The following DMD variants were observed in gnomAD, a reference collection of about 807,000 sequenced individuals.
The protein encoded by DMD is dystrophin.
In DMD, 63 loss-of-function variants were observed where a neutral mutation model predicts 330.1. That is an observed-to-expected ratio of 0.19 (90% CI 0.16 to 0.24). The LOEUF is 0.24. Among genes scored for constraint, DMD ranks in the 10% least tolerant of loss-of-function variants. DMD has a pLI of 1.00. For synonymous variants in DMD, 1,223 were observed against 959.8 expected (o/e 1.27, Z -5.07); for missense variants, 3,344 against 2,684.1 (o/e 1.25, Z -5.43).
At chrX:32,018,736 A>C (rs2095785882) in intron 44 of DMD, among the ~76,000 whole-genome samples, 1 of 112,100 alleles carries the variant, frequency 8.9e-6, no homozygotes, top group Non-Finnish European at 1.9e-5. Flanking sequence ...ATGAGAAGAC[A>C]TGTTCTATAG....
intron 17 of DMD, among the ~76,000 whole-genome samples, chrX:32,541,349 C>A (rs1307786389): frequency 9.0e-6 from 1 of 111,568 alleles, no homozygotes; most frequent in Admixed American, 9.6e-5. Flanking sequence ...AATCTTCCTC[C>A]ATCTTCATCA....
intron 62 of DMD, among the ~76,000 whole-genome samples, chrX:31,317,575 C>T (rs375130967): frequency 1.4e-4 from 14 of 103,088 alleles, no homozygotes; most frequent in East Asian, 1.2e-3. Context: ...TGCAGTGGCG[C>T]GATCTCGTCC....
chrX:31,986,645 C>T, intron 44 of DMD, among the ~76,000 whole-genome samples: 1 of 111,590 alleles, frequency 9.0e-6, no homozygotes, highest in Non-Finnish European at 1.9e-5. Context: ...CTCTTGACCT[C>T]GTGATCCACC....
chrX:32,678,404 T>C (rs1401509255), intron 9 of DMD, among the ~76,000 whole-genome samples: 1 of 111,662 alleles, frequency 9.0e-6, no homozygotes, highest in African/African-American at 3.3e-5. Context: ...GTGAGCACAA[T>C]GTGCAGTAAT....
intron 2 of DMD, among the ~76,000 whole-genome samples, chrX:32,955,231 G>T (rs193097594): frequency 9.0e-6 from 1 of 111,266 alleles, no homozygotes; most frequent in Non-Finnish European, 1.9e-5. Flanking sequence ...ATTAATAGCC[G>T]TCCTGACTGG....
intron 60 of DMD, among the ~76,000 whole-genome samples, chrX:31,430,793 CTTTTTTTT>C (rs565087970): frequency 6.2e-5 from 3 of 48,336 alleles, no homozygotes; most frequent in African/African-American, 2.8e-4. Context: ...AAGTTAAGGT[CTTTTTTTT>C]TTTTTTTTTT....
intron 1 of DMD, among the ~76,000 whole-genome samples, chrX:33,142,515 C>G (rs1443895701): frequency 8.9e-6 from 1 of 112,512 alleles, no homozygotes; most frequent in Admixed American, 9.4e-5. Context: ...GTGAAACATA[C>G]CAAAGGAAAG....
chrX:31,370,593 T>C (rs1377978676), intron 60 of DMD, among the ~76,000 whole-genome samples: 1 of 112,514 alleles, frequency 8.9e-6, no homozygotes, highest in Non-Finnish European at 1.9e-5. Context: ...GCTGGTGGAA[T>C]ATAAAATAGT....
At chrX:31,269,857 C>T (rs2051482933) in intron 62 of DMD, among the ~76,000 whole-genome samples, 1 of 111,922 alleles carries the variant, frequency 8.9e-6, no homozygotes, top group Non-Finnish European at 1.9e-5. Context: ...TATTCTTTGT[C>T]CTTCTCCATT....
intron 55 of DMD, among the ~76,000 whole-genome samples, chrX:31,521,777 G>A (rs909913657): frequency 9.0e-6 from 1 of 111,459 alleles, no homozygotes; most frequent in Admixed American, 9.5e-5. Context: ...AGAAACCAAC[G>A]TGGATAATTA....
chrX:31,147,629 C>T lies in DMD; in HGVS notation c.10554-111G>A, dbSNP rs955561366. 1.6e-5 allele frequency: 9 copies of T among 547,963 alleles called. No individual in the cohort carries two copies. The African/African-American group carries it at 1.7e-4, about 10-fold the overall frequency. 45.2% of individuals were successfully genotyped at this position (547,963 alleles called of 1,213,427 possible). ...TTTTATATACCATGGTAGATAGATG[C>T]ATCTGACTGCCACCGAAGAACAGCA... On this transcript the variant is annotated intron_variant, in intron 74 of 78. Coordinates refer to ENST00000357033, the MANE Select transcript of DMD (RefSeq NM_004006.3).
chrX:31,554,620 T>C (rs2074693430), intron 55 of DMD, among the ~76,000 whole-genome samples: 3 of 111,993 alleles, frequency 2.7e-5, no homozygotes, highest in South Asian at 3.7e-4. Flanking sequence ...TTTTATTTTT[T>C]CCCCCTCTGG....
chrX:31,705,351 A>G lies in DMD; in HGVS notation c.7660+24280T>C, dbSNP rs150627755. Among the ~76,000 whole-genome samples the G allele has an allele frequency of 2.1e-3, 232 of 113,136 alleles. 3 individuals are homozygous for G. The highest frequency in any genetic ancestry group is 7.0e-3 in the African/African-American group (218 of 31,228). ...CTGCCTAGAATGCATCATCTGGTACATGGCAGGTGCTTCATGAATGCTTTT... is the reference window on the plus strand; with the variant it reads ...CTGCCTAGAATGCATCATCTGGTACGTGGCAGGTGCTTCATGAATGCTTTT... On this transcript the variant is annotated intron_variant, in intron 52 of 78. Coordinates refer to ENST00000357033, the MANE Select transcript of DMD (RefSeq NM_004006.3).
chrX:31,536,289 T>C (rs779509159), intron 55 of DMD, among the ~76,000 whole-genome samples: 85 of 111,870 alleles, frequency 7.6e-4, no homozygotes, highest in Non-Finnish European at 1.2e-3. Context: ...CCCAAACTGA[T>C]TTTGCAGTAT....
Position 32,880,841 on chromosome X carries a change from G to A in DMD, c.94-31021C>T, listed in dbSNP as rs746562554. Among the ~76,000 whole-genome samples the A allele has an allele frequency of 1.9e-3, 209 of 112,631 alleles. 1 individual carries two copies. In the Middle Eastern group the frequency reaches 0.023, roughly 12 times the overall value. Reference sequence around the variant, plus strand: ...TGCCTGTAATCCCAGCTACTCAGGAGGCTGAGGCAGGAGAATCGCTTGAAC... The same window carrying A: ...TGCCTGTAATCCCAGCTACTCAGGAAGCTGAGGCAGGAGAATCGCTTGAAC... On this transcript the variant is annotated intron_variant, in intron 2 of 78. Coordinates refer to ENST00000357033, the MANE Select transcript of DMD (RefSeq NM_004006.3).
chrX:32,412,276 T>C, intron 29 of DMD: 1 of 938,459 alleles, frequency 1.1e-6, no homozygotes, highest in South Asian at 2.0e-5. Flanking sequence ...AGATTTGGTT[T>C]GCTTAGAATA....
intron 6 of DMD, among the ~76,000 whole-genome samples, chrX:32,813,886 A>G (rs1169941344): frequency 8.9e-6 from 1 of 112,160 alleles, no homozygotes; most frequent in Admixed American, 9.5e-5. Flanking sequence ...TAAAATGATT[A>G]TAAGTAATAA....
At position 32,438,233 on chromosome X, in the gene DMD, C is replaced by T. The variant is rs2148192833; in HGVS notation, c.4071+8G>A. 1.1e-5 allele frequency: 13 copies of T among 1,207,709 alleles called. No individual in the cohort carries two copies. Among genetic ancestry groups the T allele is most frequent in the Non-Finnish European group, 1.5e-5 (13 of 893,506 alleles). On this transcript the variant is annotated splice_region_variant and intron_variant, in intron 29 of 78. Transcript: ENST00000357033. Reference sequence around the variant, plus strand: ...TAGATTAAAGAGATTTTTCACTTATCTTCATACCTCTTCATGTAGTTCCCT... The same window carrying T: ...TAGATTAAAGAGATTTTTCACTTATTTTCATACCTCTTCATGTAGTTCCCT...
chrX:32,258,498 T>A (rs1448528902), intron 43 of DMD, among the ~76,000 whole-genome samples: 1 of 110,709 alleles, frequency 9.0e-6, no homozygotes, highest in Non-Finnish European at 1.9e-5. Context: ...AAAGAATGAG[T>A]TCATGTCCTT....
Sources: allele counts gnomAD v4.1 joint callset (sites outside exome capture counted in the v4.1 genomes callset), GRCh38; gene constraint gnomAD v4.1.1; transcripts MANE v1.5; gene names NCBI Gene and HGNC (gene_info 2026-07-23, HGNC 2026-07-21).